DNAH9: variants seen among roughly 807,000 people sequenced by gnomAD.
DNAH9 encodes the protein DNAH9 variant protein.
Under a neutral mutation model 471.6 loss-of-function variants are expected in DNAH9, and 345 were observed. The observed-to-expected ratio is 0.73, with a 90% CI of 0.67 to 0.80. The LOEUF is 0.80. DNAH9 is among the 30% of genes least tolerant of loss of function. The pLI is 0.00. For missense variants in DNAH9, 5,407 were observed against 5,609.2 expected (o/e 0.96, Z 1.15); for synonymous variants, 2,093 against 2,123.6 (o/e 0.99, Z 0.40).
intron 48 of DNAH9, among the ~76,000 whole-genome samples, chr17:11,823,935 A>AAAAG (rs1970402475): frequency 6.6e-6 from 1 of 151,924 alleles, no homozygotes; most frequent in Admixed American, 6.6e-5. Context: ...ATCTCAAAAA[A>AAAAG]AAAAAAAGAA....
chr17:11,867,117 A>C (rs4792188), intron 50 of DNAH9, among the ~76,000 whole-genome samples: 137,993 of 152,274 alleles, frequency 0.91, 63,017 homozygotes, highest in Non-Finnish European at 0.95. Flanking sequence ...CTGCGTCGCT[A>C]ACGCTGGGAG....
chr17:11,850,582 T>G (rs1266369206), intron 49 of DNAH9, among the ~76,000 whole-genome samples: 2 of 146,566 alleles, frequency 1.4e-5, no homozygotes, highest in African/African-American at 5.1e-5. Context: ...ACCCGGGAGG[T>G]GGAGGTTGCA....
chr17:11,778,329 CAAAAAAAAAAAAAAAAA>C (rs57983162), intron 38 of DNAH9, among the ~76,000 whole-genome samples: 3,583 of 48,772 alleles, frequency 0.073, 132 homozygotes, highest in African/African-American at 0.14. Context: ...GACTCCATCT[CAAAAAAAAAAAAAAAAA>C]AAAAAAAAAA....
chr17:11,660,476 C>G (rs1170279510), intron 14 of DNAH9, among the ~76,000 whole-genome samples: 1 of 151,998 alleles, frequency 6.6e-6, no homozygotes, highest in Admixed American at 6.5e-5. Flanking sequence ...GGATGTGCCA[C>G]CATACCCAGC....
At position 11,900,538 on chromosome 17, in the gene DNAH9, ACCTCCATCTCTG is replaced by A. The variant is rs1321463217; in HGVS notation, c.11407-2178_11407-2167del. ...AAAAAAATTCCCTTTCCTTCACTCT[ACCTCCATCTCTG>A]CCCAGCAGAATTCTACATACCTACC... On this transcript the variant is annotated intron_variant, in intron 59 of 68. Transcript: ENST00000262442. Among the ~76,000 whole-genome samples the A allele has an allele frequency of 2.1e-5, 3 of 142,298 alleles. No individual in the cohort carries two copies. In the East Asian group the frequency reaches 6.1e-4, roughly 29 times the overall value. The allele number at this position is 142,298 out of a possible 152,430, so 93.4% of individuals were successfully genotyped here.
chr17:11,755,723 G>A (rs1236680384), intron 33 of DNAH9, among the ~76,000 whole-genome samples: 1 of 151,976 alleles, frequency 6.6e-6, no homozygotes, highest in African/African-American at 2.4e-5. Context: ...GGTGGTGGTG[G>A]AGAGTGCATA....
chr17:11,784,562 A>T, intron 41 of DNAH9, 23 bp downstream of exon 41: 1 of 1,613,960 alleles, frequency 6.2e-7, no homozygotes, highest in Non-Finnish European at 8.5e-7. Flanking sequence ...GCTCCGAGAC[A>T]CCCTAGGGGC....
At chr17:11,907,140 G>A (rs1006783420) in intron 61 of DNAH9, among the ~76,000 whole-genome samples, 1 of 152,188 alleles carries the variant, frequency 6.6e-6, no homozygotes, top group Admixed American at 6.5e-5. Context: ...GCAGGCTTCA[G>A]AGAGAATAGA....
chr17:11,738,843 A>G (rs2075391951), intron 28 of DNAH9, 37 bp from the exon 29 acceptor site: 1 of 1,603,506 alleles, frequency 6.2e-7, no homozygotes, highest in African/African-American at 1.3e-5. Flanking sequence ...ACTAAAAGGC[A>G]ATTGAGGAAT....
At chr17:11,785,193 G>A (rs188051644) in intron 41 of DNAH9, among the ~76,000 whole-genome samples, 95 of 152,066 alleles carry the variant, frequency 6.2e-4, no homozygotes, top group East Asian at 5.8e-4. Context: ...CCTTTCTTCC[G>A]TCTGGTCAGA....
At chr17:11,652,713 A>G in intron 13 of DNAH9, 48 bp from the exon 14 acceptor site, 3 of 1,589,016 alleles carry the variant, frequency 1.9e-6, no homozygotes, top group Non-Finnish European at 2.6e-6. Context: ...CCCTTTAGCT[A>G]TGCCACTGCA....
At chr17:11,914,247 T>C (rs1973871937) in intron 61 of DNAH9, among the ~76,000 whole-genome samples, 1 of 152,198 alleles carries the variant, frequency 6.6e-6, no homozygotes, top group Non-Finnish European at 1.5e-5. Flanking sequence ...TTGCCTTTTA[T>C]TTATCTCAGG....
chr17:11,810,188 A>G lies in DNAH9; in HGVS notation c.8584-58A>G, dbSNP rs556456552. 79 of 1,552,006 alleles carry G rather than the reference A, an allele frequency of 5.1e-5. No individual in the cohort carries two copies. The South Asian group carries it at 8.9e-4, about 18-fold the overall frequency. On this transcript the variant is annotated intron_variant, in intron 44 of 68. Coordinates refer to ENST00000262442, the MANE Select transcript of DNAH9 (RefSeq NM_001372.4). Reference sequence around the variant, plus strand: ...GTTCCATTTCTAAAGAATGGGTTGGAGTTCTCTTTCAAGGAGGCCTTCTTT... The same window carrying G: ...GTTCCATTTCTAAAGAATGGGTTGGGGTTCTCTTTCAAGGAGGCCTTCTTT...
chr17:11,733,533 C>T (rs915245936), intron 28 of DNAH9, among the ~76,000 whole-genome samples: 10 of 152,134 alleles, frequency 6.6e-5, no homozygotes, highest in Non-Finnish European at 1.3e-4. Flanking sequence ...GACCACTGGA[C>T]GTCAGGGCTG....
intron 35 of DNAH9, among the ~76,000 whole-genome samples, chr17:11,760,681 A>G (rs964403356): frequency 2.0e-5 from 3 of 152,082 alleles, no homozygotes; most frequent in Non-Finnish European, 4.4e-5. Flanking sequence ...CACCACACCC[A>G]GCTAATTTTT....
intron 30 of DNAH9, among the ~76,000 whole-genome samples, chr17:11,743,917 C>T (rs1018458134): frequency 1.3e-5 from 2 of 151,706 alleles, no homozygotes; most frequent in Non-Finnish European, 2.9e-5. Flanking sequence ...GCAACCTCCG[C>T]CTCCCAGGTT....
chr17:11,712,710 T>A (rs2074894153), intron 26 of DNAH9, among the ~76,000 whole-genome samples: 1 of 152,182 alleles, frequency 6.6e-6, no homozygotes, highest in Non-Finnish European at 1.5e-5. Context: ...TGTTAGCCAT[T>A]CATGCATCTT....
chr17:11,602,535 C>T (rs557614545), intron 1 of DNAH9, among the ~76,000 whole-genome samples: 23 of 152,302 alleles, frequency 1.5e-4, no homozygotes, highest in East Asian at 1.2e-3. Flanking sequence ...CAGTTTGAAT[C>T]TCCTGTCATC....
At chr17:11,964,165 A>G (rs760543682) in intron 68 of DNAH9, among the ~76,000 whole-genome samples, 10 of 152,240 alleles carry the variant, frequency 6.6e-5, no homozygotes, top group Non-Finnish European at 1.5e-4. Flanking sequence ...ATGTTTAGAA[A>G]GCCTGAATCT....
Sources: allele counts gnomAD v4.1 joint callset (sites outside exome capture counted in the v4.1 genomes callset), GRCh38; gene constraint gnomAD v4.1.1; transcripts MANE v1.5; gene names NCBI Gene and HGNC (gene_info 2026-07-23, HGNC 2026-07-21).